Variants in NUP210L observed in about 807,000 individuals in gnomAD.
NUP210L encodes nuclear pore membrane glycoprotein 210-like.
A neutral mutation model predicts 208.5 loss-of-function variants in NUP210L; 74 were observed. The ratio of observed to expected loss-of-function variants is 0.35; its 90% CI spans 0.29 to 0.43. The LOEUF is 0.43. Among genes scored for constraint, NUP210L ranks in the 20% least tolerant of loss-of-function variants. NUP210L has a pLI of 1.00. For missense variants in NUP210L, 1,843 were observed against 2,289.4 expected (o/e 0.81, Z 3.98); for synonymous variants, 780 against 816.9 (o/e 0.95, Z 0.77).
chr1:154,101,860 G>C (rs1297922583), intron 13 of NUP210L, among the ~76,000 whole-genome samples: 6 of 152,086 alleles, frequency 3.9e-5, no homozygotes, highest in Admixed American at 3.9e-4. Flanking sequence ...ATTTAAAGTA[G>C]TTGATTTAGC....
intron 27 of NUP210L, among the ~76,000 whole-genome samples, chr1:154,036,313 CATGTGTGTGTGTGTGTGTGTGT>C (rs1652540266): frequency 1.9e-5 from 2 of 104,088 alleles, no homozygotes; most frequent in South Asian, 3.2e-4. Context: ...ACAGTTGGAA[CATGTGTGTGTGTGTGTGTGTGT>C]GTGTGTGTGT....
intron 16 of NUP210L, among the ~76,000 whole-genome samples, chr1:154,080,289 G>T (rs560476032): frequency 6.6e-6 from 1 of 152,126 alleles, no homozygotes; most frequent in Admixed American, 6.6e-5. Flanking sequence ...GAACCTGGGA[G>T]GCGGAGGTTG....
At chr1:154,001,258 C>T (rs1179110672) in intron 36 of NUP210L, among the ~76,000 whole-genome samples, 198 bp from the exon 37 acceptor site, 2 of 152,062 alleles carry the variant, frequency 1.3e-5, no homozygotes, top group Non-Finnish European at 2.9e-5. Flanking sequence ...AGTGCAGTGG[C>T]GCGATCTCAG....
chr1:154,085,304 C>T (rs1195480819), intron 16 of NUP210L, among the ~76,000 whole-genome samples: 1 of 150,076 alleles, frequency 6.7e-6, no homozygotes, highest in South Asian at 2.1e-4. Context: ...GAGCCGAGAT[C>T]GTACCACTGC....
At chr1:154,038,347 T>A (rs1195994166) in intron 27 of NUP210L, among the ~76,000 whole-genome samples, 1 of 150,748 alleles carries the variant, frequency 6.6e-6, no homozygotes, top group Non-Finnish European at 1.5e-5. Flanking sequence ...CTTTTTTTTT[T>A]TTTTTTATTT....
chr1:154,035,485 C>A (rs1260509639), intron 27 of NUP210L, among the ~76,000 whole-genome samples: 1 of 151,482 alleles, frequency 6.6e-6, no homozygotes, highest in African/African-American at 2.4e-5. Context: ...GCAACCTCCA[C>A]CTCCCGGGTT....
At chr1:154,017,801 C>T (rs1350776822) in intron 33 of NUP210L, among the ~76,000 whole-genome samples, 2 of 152,022 alleles carry the variant, frequency 1.3e-5, no homozygotes, top group South Asian at 4.1e-4. Flanking sequence ...GAGGCGTGAG[C>T]CACGGCACTA....
At position 154,154,779 on chromosome 1, in the gene NUP210L, AC is replaced by A. The variant is rs1304596034; in HGVS notation, c.203+62del. On this transcript the variant is annotated intron_variant, in intron 1 of 39. Transcript: ENST00000368559. ...ATTCCTGTGGGATCTTACAGAGGGA[AC>A]CCCCCTCACCCTTACTGGATGGTAG... 4.5e-6 allele frequency: 6 copies of A among 1,319,106 alleles called. No homozygotes were observed. The African/African-American group carries it at 5.8e-5, about 13-fold the overall frequency. 81.7% of individuals were successfully genotyped at this position (1,319,106 alleles called of 1,614,324 possible).
chr1:154,028,093 C>T (rs1434107345), intron 28 of NUP210L, among the ~76,000 whole-genome samples: 1 of 151,660 alleles, frequency 6.6e-6, no homozygotes, highest in Non-Finnish European at 1.5e-5. Flanking sequence ...AAAAATAAAA[C>T]AGGAAAAGAA....
At chr1:154,002,555 A>T (rs905385537) in intron 35 of NUP210L, among the ~76,000 whole-genome samples, 13 of 151,814 alleles carry the variant, frequency 8.6e-5, no homozygotes, top group African/African-American at 3.1e-4. Context: ...ATTGCTTGAG[A>T]TGGACGTTGC....
chr1:154,142,079 C>T (rs1658878290), intron 3 of NUP210L, among the ~76,000 whole-genome samples: 1 of 151,678 alleles, frequency 6.6e-6, no homozygotes, highest in Non-Finnish European at 1.5e-5. Flanking sequence ...ATTGCTTGAG[C>T]CTGGGAGGTC....
chr1:154,026,854 G>A (rs1403070678), intron 29 of NUP210L, among the ~76,000 whole-genome samples: 1 of 151,900 alleles, frequency 6.6e-6, no homozygotes, highest in Non-Finnish European at 1.5e-5. Context: ...AGGCCGAGCC[G>A]GGAGGATCGC....
rs565876149 is a variant in NUP210L, at chr1:154,127,831, A to G, written c.1079-414T>C. On this transcript the variant is annotated intron_variant, in intron 8 of 39. Coordinates refer to ENST00000368559, the Ensembl canonical transcript of NUP210L. ...CAGCCTCCCAAAGTGCTGGAATTAC[A>G]GGCCTGAGCCACTGTGCCTGGTCTA... is the stretch of plus-strand genomic sequence containing the variant. 1.9e-3 allele frequency among the ~76,000 whole-genome samples: 283 copies of G among 152,194 alleles called. 1 individual carries two copies. The highest frequency in any genetic ancestry group is 2.8e-3 in the Non-Finnish European group (188 of 68,014).
intron 25 of NUP210L, among the ~76,000 whole-genome samples, chr1:154,046,635 A>T (rs1344984514): frequency 6.6e-6 from 1 of 152,234 alleles, no homozygotes; most frequent in Admixed American, 6.5e-5. Flanking sequence ...CATTTGCAAC[A>T]ACATGGATGG....
chr1:154,010,195 G>A, intron 34 of NUP210L, 74 bp from the exon 35 acceptor site: 1 of 1,408,710 alleles, frequency 7.1e-7, no homozygotes, highest in Non-Finnish European at 9.7e-7. Context: ...TTATATGGAG[G>A]CAATTTTGAA....
At chr1:154,000,139 ATTCTTAAATATATAAGT>A (rs1297026302) in intron 37 of NUP210L, among the ~76,000 whole-genome samples, 1 of 152,154 alleles carries the variant, frequency 6.6e-6, no homozygotes, top group Non-Finnish European at 1.5e-5. Flanking sequence ...GCTGACAACT[ATTCTTAAATATATAAGT>A]TAAATATAAA....
chr1:154,017,512 T>C (rs1651325058), intron 33 of NUP210L, among the ~76,000 whole-genome samples: 2 of 127,014 alleles, frequency 1.6e-5, no homozygotes, highest in Admixed American at 8.5e-5. Flanking sequence ...TGGTTGTTTC[T>C]TTCTTTCTTT....
At chr1:154,136,743 A>C (rs1300134230) in intron 6 of NUP210L, among the ~76,000 whole-genome samples, 1 of 151,400 alleles carries the variant, frequency 6.6e-6, no homozygotes, top group Non-Finnish European at 1.5e-5. Flanking sequence ...ACATGGTGAA[A>C]CCCCATCTCT....
At chr1:154,133,601 A>G (rs1331635129) in intron 7 of NUP210L, among the ~76,000 whole-genome samples, 1 of 151,146 alleles carries the variant, frequency 6.6e-6, no homozygotes, top group African/African-American at 2.4e-5. Context: ...GCACTTTGGG[A>G]GGCCAAGGCA....
Sources: gnomAD v4.1 joint callset for allele counts (sites outside exome capture counted in the v4.1 genomes callset) on GRCh38, gnomAD v4.1.1 for gene constraint, MANE v1.5 for transcripts, NCBI Gene and HGNC (gene_info 2026-07-23, HGNC 2026-07-21) for gene names.